Variants in DMD observed in about 807,000 individuals in gnomAD.
The protein encoded by DMD is mutant dystrophin.
In DMD, 63 loss-of-function variants were observed where a neutral mutation model predicts 330.1. The observed-to-expected ratio is 0.19, with a 90% CI of 0.16 to 0.24. DMD has a LOEUF of 0.24. Ranked by LOEUF, DMD falls within the 10% of genes least tolerant of loss-of-function variation. The pLI, the probability that DMD is intolerant of heterozygous loss-of-function variation, is 1.00. For missense variants in DMD, 3,344 were observed against 2,684.1 expected, an observed-to-expected ratio of 1.25 and a Z score of -5.43; for synonymous variants, 1,223 against 959.8, an observed-to-expected ratio of 1.27 and a Z score of -5.07.
At chrX:31,781,231 A>G (rs904571440) in intron 50 of DMD, among the ~76,000 whole-genome samples, 1 of 111,903 alleles carries the variant, frequency 8.9e-6, no homozygotes, top group Non-Finnish European at 1.9e-5. Flanking sequence ...CAAGGTAACG[A>G]AACTTGTTCA....
chrX:32,421,927 G>T (rs757324884), intron 29 of DMD, among the ~76,000 whole-genome samples: 1 of 111,694 alleles, frequency 9.0e-6, no homozygotes, highest in Non-Finnish European at 1.9e-5. Flanking sequence ...TCGGGTGAGG[G>T]AGAGAGGTAA....
chrX:32,919,522 T>G (rs2088182662), intron 2 of DMD, among the ~76,000 whole-genome samples: 1 of 112,106 alleles, frequency 8.9e-6, no homozygotes. Flanking sequence ...TCTTTTATTT[T>G]TTATGTTTTA....
chrX:33,124,752 C>T (rs1465705124), intron 1 of DMD, among the ~76,000 whole-genome samples: 6 of 109,585 alleles, frequency 5.5e-5, no homozygotes, highest in African/African-American at 9.9e-5. Context: ...TGGCTGGGTG[C>T]GGTGGCTCAC....
At chrX:33,165,965 T>C (rs757455167) in intron 1 of DMD, among the ~76,000 whole-genome samples, 8 of 110,973 alleles carry the variant, frequency 7.2e-5, no homozygotes, top group African/African-American at 2.6e-4. Flanking sequence ...TTTTGATGTA[T>C]AGGAAGCAAA....
intron 29 of DMD, among the ~76,000 whole-genome samples, chrX:32,416,080 C>T (rs1035112752): frequency 9.0e-6 from 1 of 111,492 alleles, no homozygotes; most frequent in Non-Finnish European, 1.9e-5. Context: ...GTCTAAGAAA[C>T]TCTGGAAGAG....
chrX:32,360,090 C>T (rs1249734929), intron 37 of DMD, among the ~76,000 whole-genome samples: 2 of 111,344 alleles, frequency 1.8e-5, no homozygotes, highest in East Asian at 2.8e-4. Context: ...GGTGAGATTA[C>T]CTTCTAAATC....
At chrX:31,859,656 C>T (rs1274490404) in intron 48 of DMD, among the ~76,000 whole-genome samples, 1 of 112,226 alleles carries the variant, frequency 8.9e-6, no homozygotes, top group East Asian at 2.8e-4. Context: ...GGATATAACA[C>T]TTATCTTTAA....
At position 32,785,548 on chromosome X, in the gene DMD, CTT is replaced by C. The variant is rs2075277244; in HGVS notation, c.649+23943_649+23944del. The stretch of plus-strand genomic sequence containing the variant: ...TATCATTTCTATTATAATGATTTTG[CTT>C]AAAATGTACATTTCTGTTTATGATG... On this transcript the variant is annotated intron_variant, in intron 7 of 78. Transcript: ENST00000357033. 1.1e-4 allele frequency among the ~76,000 whole-genome samples: 12 copies of C among 111,014 alleles called. No individual in the cohort carries two copies. The South Asian group carries it at 2.2e-3, about 21-fold the overall frequency.
At chrX:32,720,171 G>A (rs2066140077) in intron 7 of DMD, among the ~76,000 whole-genome samples, 1 of 110,951 alleles carries the variant, frequency 9.0e-6, no homozygotes, top group African/African-American at 3.3e-5. Flanking sequence ...TTACAAAAGA[G>A]TTTTTGTCTA....
intron 1 of DMD, among the ~76,000 whole-genome samples, chrX:33,240,227 TCTTAAC>T (rs1481362168): frequency 8.9e-6 from 1 of 111,823 alleles, no homozygotes; most frequent in East Asian, 2.8e-4. Context: ...CCTCCCTCTC[TCTTAAC>T]TACCTCACCT....
At chrX:31,517,073 C>T (rs1428791674) in intron 55 of DMD, among the ~76,000 whole-genome samples, 3 of 111,570 alleles carry the variant, frequency 2.7e-5, no homozygotes, top group African/African-American at 6.5e-5. Flanking sequence ...TTCTCATCTA[C>T]GTCTTGTTTT....
rs912969593 is a variant in DMD at position 32,348,394 on chromosome X, C to T, written c.5448+12G>A. 1 of 1,205,690 alleles carries T rather than the reference C, an allele frequency of 8.3e-7. No individual in the cohort carries two copies. The highest frequency in any genetic ancestry group is 1.1e-6 in the Non-Finnish European group (1 of 891,050). The stretch of plus-strand genomic sequence containing the variant: ...TCCTAGTTCATTCACACTTTTATCA[C>T]AACCAATTTACCATATCTTTATTGA... On this transcript the variant is annotated intron_variant, in intron 38 of 78. Transcript: ENST00000357033.
chrX:32,120,541 C>G (rs1761084330), intron 44 of DMD, among the ~76,000 whole-genome samples: 1 of 112,261 alleles, frequency 8.9e-6, no homozygotes, highest in African/African-American at 3.2e-5. Context: ...CTTTATCAAG[C>G]TGCCCAGATG....
chrX:33,053,035 C>G (rs568253130), intron 1 of DMD, among the ~76,000 whole-genome samples: 2 of 111,775 alleles, frequency 1.8e-5, no homozygotes, highest in South Asian at 7.4e-4. Flanking sequence ...GTCGGTAGAT[C>G]TTTTAGACAA....
At chrX:32,757,817 G>A (rs1169360887) in intron 7 of DMD, among the ~76,000 whole-genome samples, 1 of 111,554 alleles carries the variant, frequency 9.0e-6, no homozygotes, top group African/African-American at 3.3e-5. Flanking sequence ...TTCCTTTATA[G>A]GTTTATTTTG....
chrX:31,865,026 G>C (rs1029538015), intron 48 of DMD, among the ~76,000 whole-genome samples: 1 of 112,005 alleles, frequency 8.9e-6, no homozygotes, highest in African/African-American at 3.2e-5. Context: ...GTCAGCACTG[G>C]GATTCAAACT....
At chrX:31,670,747 T>G (rs1209155562) in intron 53 of DMD, among the ~76,000 whole-genome samples, 1 of 111,680 alleles carries the variant, frequency 9.0e-6, no homozygotes, top group African/African-American at 3.3e-5. Flanking sequence ...TGTGGCATTC[T>G]TCTCTCTGTG....
chrX:32,224,863 C>A (rs1418934976), intron 43 of DMD, among the ~76,000 whole-genome samples: 1 of 111,532 alleles, frequency 9.0e-6, no homozygotes, highest in African/African-American at 3.3e-5. Flanking sequence ...TGCCTTTATC[C>A]CCTCTCTTCG....
At chrX:33,281,485 G>A (rs1159064340) in intron 1 of DMD, among the ~76,000 whole-genome samples, 3 of 111,528 alleles carry the variant, frequency 2.7e-5, no homozygotes, top group Non-Finnish European at 3.8e-5. Context: ...CTGGGATTAC[G>A]GGCATGAGCC....
Sources: allele counts gnomAD v4.1 joint callset (sites outside exome capture counted in the v4.1 genomes callset), GRCh38; gene constraint gnomAD v4.1.1; transcripts MANE v1.5; gene names NCBI Gene and HGNC (gene_info 2026-07-23, HGNC 2026-07-21).